ALPK1: variants seen among roughly 807,000 people sequenced by gnomAD.
ALPK1 encodes alpha kinase 1, also known as alpha-protein kinase 1.
ALPK1 carries 110 observed loss-of-function variants against 120.6 expected under a neutral mutation model. The ratio of observed to expected loss-of-function variants is 0.91; its 90% CI spans 0.78 to 1.07. The LOEUF is 1.07. Among genes scored for constraint, ALPK1 ranks in the 50% least tolerant of loss-of-function variants. The probability of loss-of-function intolerance (pLI) is 0.00; values close to 1 mark genes in which losing one functional copy is unlikely to be tolerated. For missense variants in ALPK1, 1,498 were observed against 1,483.9 expected, an observed-to-expected ratio of 1.01 and a Z score of -0.16; for synonymous variants, 582 against 560.3, an observed-to-expected ratio of 1.04 and a Z score of -0.55.
At chr4:112,362,177 G>GT (rs1730944712) in intron 2 of ALPK1, among the ~76,000 whole-genome samples, 1 of 152,120 alleles carries the variant, frequency 6.6e-6, no homozygotes, top group Non-Finnish European at 1.5e-5. Context: ...ACAAAACAAG[G>GT]TTTTTTATCA....
In ALPK1 at chr4:112,320,897, C is replaced by CTTTTTTT. The variant is rs397941407; in HGVS notation, c.-101+5056_-101+5062dup. Among the ~76,000 whole-genome samples, 16 of 123,604 alleles carry CTTTTTTT rather than the reference C, an allele frequency of 1.3e-4. No individual in the cohort carries two copies. In the East Asian group the frequency reaches 1.7e-3, roughly 13 times the overall value. 81.1% of individuals were successfully genotyped at this position (123,604 alleles called of 152,430 possible). A position where few individuals can be genotyped will look rare whatever the true frequency, so the allele number is the denominator to read the frequency against. ...TGGTTGTAATATCACCCATTTCTTTCTTTTTTTTTTTTTTTTTGAGACGGA... is the reference window on the plus strand; with the variant it reads ...TGGTTGTAATATCACCCATTTCTTTCTTTTTTTTTTTTTTTTTTTTTTTTGAGACGGA... On this transcript the variant is annotated intron_variant, in intron 2 of 15. Coordinates refer to ENST00000650871, the MANE Select transcript of ALPK1 (RefSeq NM_025144.4).
rs1272113523 is a variant in ALPK1, at chr4:112,357,789, G to A, written c.-100-19889G>A. The A allele has an allele frequency of 3.9e-6, 4 of 1,036,266 alleles. No homozygotes were observed. The African/African-American group carries it at 4.7e-5, about 12-fold the overall frequency. 64.2% of individuals were successfully genotyped at this position (1,036,266 alleles called of 1,614,324 possible). On this transcript the variant is annotated intron_variant, in intron 2 of 15. Transcript: ENST00000650871. ...CCCGCATGGTGCCCTATGGGCTCCT[G>A]ATCTTCTTCCCTTCATATCCCATCA...
In ALPK1 at chr4:112,431,241, G is replaced by A. The variant is rs2074388; in HGVS notation, c.1694G>A (p.Gly565Asp). Residue 565 changes from glycine (G) to aspartate (D), a missense_variant, in exon 11 of 16, where the codon GGT becomes GAT. Coordinates refer to ENST00000650871, the MANE Select transcript of ALPK1 (RefSeq NM_025144.4). ...ACTGAGCCATCGGACTACAGCAATG[G>A]TGAGGGAGCTGTTTTCAACAAGTCT... ...TETEPSDYSN[G>D]EGAVFNKSLS... The A allele has an allele frequency of 0.63, 1,012,237 of 1,613,926 alleles. 318,721 individuals are homozygous for A. The highest frequency in any genetic ancestry group is 0.71 in the African/African-American group (52,986 of 74,952).
Position 112,302,681 on chromosome 4 carries a change from A to G in ALPK1, c.-153+5212A>G, listed in dbSNP as rs1213222889. Among the ~76,000 whole-genome samples the G allele has an allele frequency of 2.0e-5, 3 of 152,142 alleles. No individual in the cohort carries two copies. In the East Asian group the frequency reaches 5.8e-4, roughly 29 times the overall value. Reference sequence around the variant, plus strand: ...TCTTTCAGGAGGACGCTGCCTTCTCAGCCCTCTGCTGCGGCAGTAAGCATG... The same window carrying G: ...TCTTTCAGGAGGACGCTGCCTTCTCGGCCCTCTGCTGCGGCAGTAAGCATG... On this transcript the variant is annotated intron_variant, in intron 1 of 15. Transcript: ENST00000650871.
At chr4:112,419,306 T>G (rs920822421) in intron 5 of ALPK1, among the ~76,000 whole-genome samples, 1 of 152,174 alleles carries the variant, frequency 6.6e-6, no homozygotes, top group Non-Finnish European at 1.5e-5. Context: ...TTTGGACAAA[T>G]ATATGTGGAA....
chr4:112,420,066 T>C (rs935639766), intron 5 of ALPK1, among the ~76,000 whole-genome samples: 11 of 152,236 alleles, frequency 7.2e-5, no homozygotes, highest in African/African-American at 2.7e-4. Context: ...TTTGGATGAA[T>C]GACAAATAGC....
rs140933743 is a variant in ALPK1 at position 112,404,069 on chromosome 4, G to A, written c.277-7758G>A. On this transcript the variant is annotated intron_variant, in intron 4 of 15. Transcript: ENST00000650871. ...TCCCTCACCAAGTGCCACAGAGCCC[G>A]CTCATTTTCCTTTTCCTTTCTCAGT... Among the ~76,000 whole-genome samples, 440 of 152,302 alleles carry A rather than the reference G, an allele frequency of 2.9e-3. 1 individual carries two copies. Among genetic ancestry groups the A allele is most frequent in the Non-Finnish European group, 4.8e-3 (329 of 68,024 alleles).
rs540058016 is a variant in ALPK1, at chr4:112,330,056, C to T, written c.-101+14204C>T. On this transcript the variant is annotated intron_variant, in intron 2 of 15. Transcript: ENST00000650871. The stretch of plus-strand genomic sequence containing the variant: ...TGTAAGCAAAAGTTAAATTGAAAAA[C>T]GCTGATTAGAAACCATTTAGAATAA... Among the ~76,000 whole-genome samples, 140 of 152,226 alleles carry T rather than the reference C, an allele frequency of 9.2e-4. 1 individual carries two copies. Among genetic ancestry groups the T allele is most frequent in the Middle Eastern group, 3.4e-3 (1 of 294 alleles).
At chr4:112,416,875 CA>C (rs56919059) in intron 5 of ALPK1, among the ~76,000 whole-genome samples, 30,350 of 106,136 alleles carry the variant, frequency 0.29, 3,300 homozygotes, top group East Asian at 0.66. Context: ...GACCCTGTCT[CA>C]AAAAAAAAAA....
chr4:112,432,260 T>G lies in ALPK1; in HGVS notation c.2713T>G (p.Cys905Gly). Residue 905 changes from cysteine (C) to glycine (G), a missense_variant, in exon 11 of 16, where the codon TGC becomes GGC. Transcript: ENST00000650871. ...CCTCTTCCCTGTCCTCAGCGAGGAC[T>G]GCACTACCACAGAGGAAGGAAATCA... ...NILFPVLSEDCTTTEEGNQPG... is the reference protein window; with the variant it reads ...NILFPVLSEDGTTTEEGNQPG... 2 of 1,614,218 alleles carry G rather than the reference T, an allele frequency of 1.2e-6. No homozygotes were observed. Among genetic ancestry groups the G allele is most frequent in the Non-Finnish European group, 1.7e-6 (2 of 1,180,024 alleles).
chr4:112,390,673 A>C (rs1732374939), intron 4 of ALPK1, among the ~76,000 whole-genome samples: 1 of 152,184 alleles, frequency 6.6e-6, no homozygotes, highest in African/African-American at 2.4e-5. Flanking sequence ...TTTGATGTGC[A>C]TGTGTGTTGA....
chr4:112,357,690 G>T (rs1578496134), intron 2 of ALPK1: 3 of 1,586,774 alleles, frequency 1.9e-6, no homozygotes, highest in African/African-American at 1.3e-5. Flanking sequence ...ACGGAGCCCA[G>T]TTGAGCTCCG....
chr4:112,405,305 T>C (rs1733115924), intron 4 of ALPK1, among the ~76,000 whole-genome samples: 1 of 152,198 alleles, frequency 6.6e-6, no homozygotes, highest in Admixed American at 6.5e-5. Context: ...GATCCCCAGC[T>C]ATCACCAAAT....
chr4:112,356,148 T>C (rs1157951122), intron 2 of ALPK1: 2 of 1,602,562 alleles, frequency 1.2e-6, no homozygotes, highest in East Asian at 2.2e-5. Context: ...CCCAAGATAG[T>C]CCTGAATGGT....
intron 2 of ALPK1, among the ~76,000 whole-genome samples, chr4:112,346,284 T>C (rs1009028395): frequency 3.3e-5 from 5 of 152,262 alleles, no homozygotes; most frequent in African/African-American, 1.2e-4. Flanking sequence ...GACTTTGAGT[T>C]TTAAGAAAGG....
intron 9 of ALPK1, among the ~76,000 whole-genome samples, chr4:112,428,909 A>G (rs1734394748): frequency 6.6e-6 from 1 of 152,264 alleles, no homozygotes. Context: ...AAGAACTGCC[A>G]CCGTCCTCCA....
chr4:112,311,343 C>T (rs1728392471), intron 1 of ALPK1, among the ~76,000 whole-genome samples: 1 of 152,132 alleles, frequency 6.6e-6, no homozygotes, highest in African/African-American at 2.4e-5. Context: ...TGTGTGTCAG[C>T]CTTTCTGTTA....
At chr4:112,319,040 A>G (rs529040275) in intron 2 of ALPK1, among the ~76,000 whole-genome samples, 2 of 152,346 alleles carry the variant, frequency 1.3e-5, no homozygotes, top group Admixed American at 6.5e-5. Flanking sequence ...TAACACCGTC[A>G]GTTCTGCTTT....
At chr4:112,325,943 G>C (rs1291724241) in intron 2 of ALPK1, among the ~76,000 whole-genome samples, 2 of 152,128 alleles carry the variant, frequency 1.3e-5, no homozygotes, top group Non-Finnish European at 2.9e-5. Context: ...GTGAGAGGCT[G>C]TGTGAGCGAG....
Sources: gnomAD v4.1 joint callset for allele counts (sites outside exome capture counted in the v4.1 genomes callset) on GRCh38, gnomAD v4.1.1 for gene constraint, MANE v1.5 for transcripts, NCBI Gene and HGNC (gene_info 2026-07-23, HGNC 2026-07-21) for gene names.